PAPSS2: variants seen among roughly 807,000 people sequenced by gnomAD.
PAPSS2 encodes 3'-phosphoadenosine 5'-phosphosulfate synthase 2.
In PAPSS2, 61 loss-of-function variants were observed where a neutral mutation model predicts 66.5. That is an observed-to-expected ratio of 0.92 (90% confidence interval 0.75 to 1.14). The LOEUF (loss-of-function observed/expected upper bound fraction) is 1.14, where lower values mean the gene tolerates loss of function less well. Among genes scored for constraint, PAPSS2 ranks in the 50% most tolerant of loss-of-function variants. The pLI is 0.00. For missense variants in PAPSS2, 708 were observed against 789.6 expected (o/e 0.90, Z 1.24); for synonymous variants, 289 against 287.5 (o/e 1.01, Z -0.05).
intron 1 of PAPSS2, among the ~76,000 whole-genome samples, chr10:87,663,103 C>A (rs1852772714): frequency 7.8e-6 from 1 of 128,162 alleles, no homozygotes; most frequent in South Asian, 2.6e-4. Flanking sequence ...CTAGAAGTAG[C>A]CACTTTTTTT....
chr10:87,714,153 A>C lies in PAPSS2; in HGVS notation c.491A>C (p.Tyr164Ser). Residue 164 changes from tyrosine (Y) to serine (S), a missense_variant, in exon 4 of 13, where the codon TAT becomes TCT. Transcript: ENST00000456849. ...GAAAGCAGAGACGTAAAAGGCCTCT[A>C]TAAAAGGGCCAGAGCTGGGGAGATT... ...ICESRDVKGL[Y>S]KRARAGEIKG... 6.2e-7 allele frequency: 1 copy of C among 1,613,878 alleles called. No homozygotes were observed. Among genetic ancestry groups the C allele is most frequent in the Non-Finnish European group, 8.5e-7 (1 of 1,179,920 alleles).
chr10:87,724,607 T>C (rs1853635159), intron 8 of PAPSS2, among the ~76,000 whole-genome samples: 1 of 148,418 alleles, frequency 6.7e-6, no homozygotes, highest in African/African-American at 2.4e-5. Context: ...TTTATATATA[T>C]GCATGTACAT....
At chr10:87,689,392 C>T (rs1331169925) in intron 1 of PAPSS2, among the ~76,000 whole-genome samples, 1 of 150,068 alleles carries the variant, frequency 6.7e-6, no homozygotes, top group East Asian at 1.9e-4. Flanking sequence ...GCCTGGGGGA[C>T]AGGCGCAGTG....
Position 87,746,070 on chromosome 10 carries a change from T to C in PAPSS2, c.*100T>C. ...TTAAATTGCTTCTCAATGATGCATT[T>C]TAATCTTTTATAATGAAGTAAAAGT... On this transcript the variant is annotated 3_prime_UTR_variant, in exon 13 of 13. Coordinates refer to ENST00000456849, the MANE Select transcript of PAPSS2 (RefSeq NM_001015880.2). 1 of 1,124,494 alleles carries C rather than the reference T, an allele frequency of 8.9e-7. No individual in the cohort carries two copies. Among genetic ancestry groups the C allele is most frequent in the Non-Finnish European group, 1.3e-6 (1 of 758,516 alleles). 69.7% of individuals were successfully genotyped at this position (1,124,494 alleles called of 1,614,324 possible). A position where few individuals can be genotyped will look rare whatever the true frequency, so the allele number is the denominator to read the frequency against.
rs893834609 is a variant in PAPSS2 at position 87,669,196 on chromosome 10, A to T, written c.27+9188A>T. 9.9e-5 allele frequency among the ~76,000 whole-genome samples: 15 copies of T among 152,168 alleles called. 1 individual carries two copies. Among genetic ancestry groups the T allele is most frequent in the Admixed American group, 8.5e-4 (13 of 15,274 alleles). ...TCTCAAGTGGTTTAATTGTTTTATT[A>T]AAAAAAGGGATGCCATTGATTAGAT... On this transcript the variant is annotated intron_variant, in intron 1 of 12. Transcript: ENST00000456849.
At chr10:87,729,142 T>TA (rs1853696174) in intron 9 of PAPSS2, among the ~76,000 whole-genome samples, 1 of 151,984 alleles carries the variant, frequency 6.6e-6, no homozygotes, top group Non-Finnish European at 1.5e-5. Flanking sequence ...TGACTAGCAC[T>TA]AAAAAAACCT....
At chr10:87,676,191 C>T (rs1041157391) in intron 1 of PAPSS2, among the ~76,000 whole-genome samples, 1 of 152,038 alleles carries the variant, frequency 6.6e-6, no homozygotes, top group Non-Finnish European at 1.5e-5. Context: ...GTGAGCTGTT[C>T]TTGACGGTGG....
chr10:87,680,750 T>C (rs1453121713), intron 1 of PAPSS2, among the ~76,000 whole-genome samples: 1 of 152,136 alleles, frequency 6.6e-6, no homozygotes, highest in Non-Finnish European at 1.5e-5. Flanking sequence ...AACAGAATAC[T>C]ACCTGAATCC....
intron 1 of PAPSS2, among the ~76,000 whole-genome samples, chr10:87,696,603 G>GT (rs777048954): frequency 5.7e-4 from 86 of 152,048 alleles, no homozygotes; most frequent in Non-Finnish European, 7.6e-4. Context: ...TAATTTTTCT[G>GT]TTTTTTCTGC....
intron 1 of PAPSS2, among the ~76,000 whole-genome samples, chr10:87,671,870 T>C (rs1450438519): frequency 7.2e-6 from 1 of 138,908 alleles, no homozygotes; most frequent in Non-Finnish European, 1.5e-5. Flanking sequence ...GGTTGAACAC[T>C]GTAATTGTGT....
At chr10:87,705,908 A>G (rs1313377211) in intron 1 of PAPSS2, among the ~76,000 whole-genome samples, 1 of 149,246 alleles carries the variant, frequency 6.7e-6, no homozygotes, top group African/African-American at 2.5e-5. Context: ...TAATTTTTGT[A>G]TTTTTAGTAG....
chr10:87,681,097 A>G (rs1037230808), intron 1 of PAPSS2, among the ~76,000 whole-genome samples: 1 of 152,198 alleles, frequency 6.6e-6, no homozygotes, highest in African/African-American at 2.4e-5. Context: ...TGTTGCTGCT[A>G]TTATCCTACA....
At chr10:87,667,557 T>G (rs892157677) in intron 1 of PAPSS2, among the ~76,000 whole-genome samples, 6 of 152,338 alleles carry the variant, frequency 3.9e-5, no homozygotes, top group African/African-American at 1.4e-4. Flanking sequence ...ATAAGTTGCC[T>G]CTGATGACAC....
intron 1 of PAPSS2, among the ~76,000 whole-genome samples, chr10:87,684,334 G>T (rs1564711625): frequency 6.6e-6 from 1 of 152,200 alleles, no homozygotes; most frequent in Non-Finnish European, 1.5e-5. Context: ...TAGACAATAT[G>T]ATTAGGCCAT....
chr10:87,745,335 C>T, intron 12 of PAPSS2, 104 bp downstream of exon 12: 1 of 867,954 alleles, frequency 1.2e-6, no homozygotes, highest in South Asian at 1.4e-5. Flanking sequence ...GCCACATGCT[C>T]CCAAGTGGAC....
chr10:87,726,489 G>GA (rs1853661218), intron 8 of PAPSS2, among the ~76,000 whole-genome samples: 1 of 152,162 alleles, frequency 6.6e-6, no homozygotes, highest in South Asian at 2.1e-4. Flanking sequence ...AGGATAATTG[G>GA]ATTTTTGTAA....
At chr10:87,661,569 G>A (rs1852753140) in intron 1 of PAPSS2, among the ~76,000 whole-genome samples, 1 of 152,038 alleles carries the variant, frequency 6.6e-6, no homozygotes, top group Non-Finnish European at 1.5e-5. Context: ...TTGTGATGGG[G>A]GACTTTGTCA....
At chr10:87,724,492 A>T (rs897129548) in intron 8 of PAPSS2, among the ~76,000 whole-genome samples, 4 of 151,778 alleles carry the variant, frequency 2.6e-5, no homozygotes, top group Non-Finnish European at 2.9e-5. Context: ...GGTTCTCCAG[A>T]GAAACAGAAC....
At chr10:87,706,838 A>G (rs1299181626) in intron 1 of PAPSS2, among the ~76,000 whole-genome samples, 1 of 152,180 alleles carries the variant, frequency 6.6e-6, no homozygotes, top group African/African-American at 2.4e-5. Context: ...CTGCTAGACT[A>G]TCTCATGGAG....
Sources: allele counts gnomAD v4.1 joint callset (sites outside exome capture counted in the v4.1 genomes callset), GRCh38; gene constraint gnomAD v4.1.1; transcripts MANE v1.5; gene names NCBI Gene and HGNC (gene_info 2026-07-23, HGNC 2026-07-21).